NECTIN3: variants seen among roughly 807,000 people sequenced by gnomAD.
The protein encoded by NECTIN3 is nectin-3.
NECTIN3 carries 8 observed loss-of-function variants against 49.4 expected under a neutral mutation model. The observed-to-expected ratio is 0.16, with a 90% confidence interval of 0.10 to 0.29. The LOEUF (loss-of-function observed/expected upper bound fraction) is 0.29, where lower values mean the gene tolerates loss of function less well. Among genes scored for constraint, NECTIN3 ranks in the 10% least tolerant of loss-of-function variants. The probability of loss-of-function intolerance (pLI) is 1.00; values close to 1 mark genes in which losing one functional copy is unlikely to be tolerated. For synonymous variants in NECTIN3, 277 were observed against 241.1 expected (o/e 1.15, Z -1.38); for missense variants, 581 against 654.6 (o/e 0.89, Z 1.23).
In NECTIN3 at chr3:111,081,267, C is replaced by T. The variant is rs115992632; in HGVS notation, c.160+9090C>T. The stretch of plus-strand genomic sequence containing the variant: ...CTGCATTCCATCCTGGACAACAGGG[C>T]AAGACTCTGTTTCACCATAAAAACA... On this transcript the variant is annotated intron_variant, in intron 1 of 5. Coordinates refer to ENST00000485303, the MANE Select transcript of NECTIN3 (RefSeq NM_015480.3). Among the ~76,000 whole-genome samples, 677 of 152,274 alleles carry T rather than the reference C, an allele frequency of 4.4e-3. 6 individuals are homozygous for T. The highest frequency in any genetic ancestry group is 0.015 in the African/African-American group (628 of 41,558).
chr3:111,163,738 G>A (rs1007652723), intron 7 of NECTIN3, among the ~76,000 whole-genome samples: 2 of 152,118 alleles, frequency 1.3e-5, no homozygotes, highest in Non-Finnish European at 2.9e-5. Flanking sequence ...TGAGAGGGAA[G>A]ATTCATTTTA....
chr3:111,099,255 G>C (rs1415526092), intron 1 of NECTIN3, among the ~76,000 whole-genome samples: 1 of 152,072 alleles, frequency 6.6e-6, no homozygotes, highest in Non-Finnish European at 1.5e-5. Flanking sequence ...TTCTCTCATT[G>C]GTTTTCCTAA....
chr3:111,167,390 A>T (rs1266789969), intron 7 of NECTIN3, among the ~76,000 whole-genome samples: 1 of 152,194 alleles, frequency 6.6e-6, no homozygotes, highest in Non-Finnish European at 1.5e-5. Context: ...CATGCAATTT[A>T]TTCTAATATT....
intron 7 of NECTIN3, among the ~76,000 whole-genome samples, chr3:111,154,090 A>G (rs1335800874): frequency 7.2e-5 from 11 of 152,178 alleles, no homozygotes; most frequent in Admixed American, 7.2e-4. Flanking sequence ...CTTGGCAAAT[A>G]TCACCACGAT....
intron 3 of NECTIN3, 56 bp downstream of exon 3, chr3:111,119,008 ATTTT>A (rs2033829346): frequency 3.6e-6 from 5 of 1,405,862 alleles, no homozygotes; most frequent in Non-Finnish European, 3.8e-6. Flanking sequence ...TTATCAAACT[ATTTT>A]TAGTTTGAAT....
chr3:111,193,220 T>G, intron 1 of NECTIN3: 1 of 1,535,232 alleles, frequency 6.5e-7, no homozygotes, highest in Non-Finnish European at 8.7e-7. Flanking sequence ...ATAGCAGGAG[T>G]TTTGACTATG....
intron 1 of NECTIN3, among the ~76,000 whole-genome samples, chr3:111,081,045 G>A (rs2107363108): frequency 6.6e-6 from 1 of 152,274 alleles, no homozygotes; most frequent in African/African-American, 2.4e-5. Flanking sequence ...AGAGGCTAAG[G>A]CAGGAGGATT....
chr3:111,101,948 C>T (rs1289506120), intron 1 of NECTIN3, among the ~76,000 whole-genome samples: 1 of 152,084 alleles, frequency 6.6e-6, no homozygotes, highest in South Asian at 2.1e-4. Context: ...ATGGTCTTCT[C>T]AGCTTATGAA....
At position 111,118,897 on chromosome 3, in the gene NECTIN3, A is replaced by G; in HGVS notation, c.744A>G (p.Val248=). ...GAGGAAGGCGAATTACTTGTGTTGT[A>G]AAACATCCAGCCTTGGAAAAGGACA... ...FARGRRITCV[V]KHPALEKDIR... is the part of the protein sequence containing the mutation. The change falls in exon 3 of 6, where the codon GTA becomes GTG. Residue 248 remains valine (V), a synonymous_variant. Transcript: ENST00000485303. 3.1e-6 allele frequency: 5 copies of G among 1,614,182 alleles called. No individual in the cohort carries two copies. Among genetic ancestry groups the G allele is most frequent in the Non-Finnish European group, 4.2e-6 (5 of 1,180,010 alleles).
intron 7 of NECTIN3, among the ~76,000 whole-genome samples, chr3:111,169,209 C>G (rs902010955): frequency 6.7e-6 from 1 of 150,164 alleles, no homozygotes; most frequent in African/African-American, 2.5e-5. Flanking sequence ...CCTGCCTCAG[C>G]CTCCCGAGTA....
chr3:111,104,552 T>C (rs2033082357), intron 1 of NECTIN3, among the ~76,000 whole-genome samples: 1 of 152,062 alleles, frequency 6.6e-6, no homozygotes, highest in Non-Finnish European at 1.5e-5. Context: ...ACTCCTGAGC[T>C]CAAACGGTCC....
chr3:111,143,054 T>TTGAGTAGGACCATCTAC (rs1312468050), intron 5 of NECTIN3, among the ~76,000 whole-genome samples: 1 of 151,812 alleles, frequency 6.6e-6, no homozygotes, highest in Non-Finnish European at 1.5e-5. Context: ...CTATTAAGGA[T>TTGAGTAGGACCATCTAC]TGAGTAGGAC....
Position 111,122,142 on chromosome 3 carries a change from C to T in NECTIN3, c.821C>T (p.Thr274Ile). Residue 274 changes from threonine to isoleucine, a missense_variant, in exon 4 of 6, where the codon ACA becomes ATA. Around this residue, in one of 3 missense-constraint regions of NECTIN3, gnomAD observed 234 missense variants for 340.6 expected, o/e 0.69. Transcript: ENST00000485303. ...DIQYAPEVSV[T>I]GYDGNWFVGR... ...ATAGATGCTCCTGAAGTTTCGGTAA[C>T]AGGATATGATGGAAATTGGTTTGTA... 6.2e-7 allele frequency: 1 copy of T among 1,612,288 alleles called. No homozygotes were observed. Among genetic ancestry groups the T allele is most frequent in the Non-Finnish European group, 8.5e-7 (1 of 1,178,746 alleles).
At chr3:111,125,285 T>C (rs553754096) in intron 4 of NECTIN3, among the ~76,000 whole-genome samples, 1 of 152,158 alleles carries the variant, frequency 6.6e-6, no homozygotes, top group African/African-American at 2.4e-5. Context: ...CGCCTCGGCC[T>C]CCCAAAGTGC....
intron 7 of NECTIN3, among the ~76,000 whole-genome samples, chr3:111,160,985 C>A (rs35441599): frequency 0.17 from 26,127 of 151,904 alleles, 4,993 homozygotes; most frequent in African/African-American, 0.47. Context: ...CCAGCCTGGA[C>A]GACAGAACGA....
chr3:111,088,989 A>G (rs77602230), intron 1 of NECTIN3, among the ~76,000 whole-genome samples: 4,058 of 152,196 alleles, frequency 0.027, 127 homozygotes, highest in African/African-American at 0.078. Flanking sequence ...TATCTTAATA[A>G]TTATAGTACT....
Position 111,122,136 on chromosome 3 carries a change from C to T in NECTIN3, c.815C>T (p.Ser272Leu), listed in dbSNP as rs200520350. The change falls in exon 4 of 6, where the codon TCG (serine) becomes TTG (leucine). Residue 272 changes from serine to leucine, a missense_variant. By Grantham distance (145) the Ser-to-Leu change is moderately radical. Around this residue, in one of 3 missense-constraint regions of NECTIN3, gnomAD observed 234 missense variants for 340.6 expected, o/e 0.69. Transcript: ENST00000485303. ...TATTTTATAGATGCTCCTGAAGTTT[C>T]GGTAACAGGATATGATGGAAATTGG... ...ILDIQYAPEVSVTGYDGNWFV... is the reference protein window; with the variant it reads ...ILDIQYAPEVLVTGYDGNWFV... 3.7e-6 allele frequency: 6 copies of T among 1,610,472 alleles called. No homozygotes were observed. Among genetic ancestry groups the T allele is most frequent in the African/African-American group, 1.3e-5 (1 of 74,880 alleles).
At chr3:111,122,779 G>A (rs1290016657) in intron 4 of NECTIN3, among the ~76,000 whole-genome samples, 1 of 151,906 alleles carries the variant, frequency 6.6e-6, no homozygotes, top group South Asian at 2.1e-4. Flanking sequence ...TAGTTACTAC[G>A]TGCATAATTT....
chr3:111,073,235 G>T (rs2030928972), intron 1 of NECTIN3, among the ~76,000 whole-genome samples: 1 of 152,134 alleles, frequency 6.6e-6, no homozygotes, highest in Non-Finnish European at 1.5e-5. Flanking sequence ...TTGGTTTTCA[G>T]TATTTCATAA....
Sources: gnomAD v4.1 joint callset for allele counts (sites outside exome capture counted in the v4.1 genomes callset) on GRCh38, gnomAD v4.1.1 for gene constraint, gnomAD v4.1.1 regional missense constraint, MANE v1.5 for transcripts, NCBI Gene and HGNC (gene_info 2026-07-23, HGNC 2026-07-21) for gene names.